SPATA3: variants seen among roughly 807,000 people sequenced by gnomAD.
The protein encoded by SPATA3 is spermatogenesis associated 3, also known as spermatogenesis-associated protein 3.
Under a neutral mutation model 5.7 loss-of-function variants are expected in SPATA3, and 6 were observed. That is an observed-to-expected ratio of 1.06 (90% CI 0.58 to 2.09). The LOEUF is 2.09. SPATA3 is among the 30% of genes most tolerant of loss of function. SPATA3 has a pLI of 0.00. For synonymous variants in SPATA3, 44 were observed against 48.4 expected (o/e 0.91, Z 0.37); for missense variants, 155 against 130.4 (o/e 1.19, Z -0.92).
intron 6 of SPATA3, among the ~76,000 whole-genome samples, chr2:231,015,034 C>A (rs553735754): frequency 6.6e-6 from 1 of 151,522 alleles, no homozygotes; most frequent in South Asian, 2.1e-4. Flanking sequence ...ACAGGGAGTC[C>A]CAACTGAGGA....
chr2:231,016,243 G>A (rs1217424369), intron 6 of SPATA3, among the ~76,000 whole-genome samples: 1 of 152,118 alleles, frequency 6.6e-6, no homozygotes, highest in Non-Finnish European at 1.5e-5. Context: ...GGGACCCTGG[G>A]CCTGCCTGTT....
chr2:231,008,907 C>T (rs560084800), downstream of SPATA3, among the ~76,000 whole-genome samples: 368 of 152,300 alleles, frequency 2.4e-3, no homozygotes, highest in African/African-American at 8.1e-3. Context: ...AGCAACAGCT[C>T]CCAGCCTACA....
At chr2:231,014,809 C>T (rs1467812863) in intron 6 of SPATA3, among the ~76,000 whole-genome samples, 1 of 152,184 alleles carries the variant, frequency 6.6e-6, no homozygotes, top group African/African-American at 2.4e-5. Context: ...ACAGTGACCT[C>T]TCAAGGTAGC....
In SPATA3 at chr2:230,996,236, G is replaced by A. The variant is rs1344961207; in HGVS notation, c.791-4130G>A. On this transcript the variant is annotated intron_variant, in intron 1 of 2. Coordinates refer to ENST00000645363, the Ensembl canonical transcript of SPATA3. Reference sequence around the variant, plus strand: ...CGTTTAGGTTGGGAGGATCTACCATGAAGAAGGTCAAGAAGAAAAGGTCAG... The same window carrying A: ...CGTTTAGGTTGGGAGGATCTACCATAAAGAAGGTCAAGAAGAAAAGGTCAG... 1.9e-6 allele frequency: 3 copies of A among 1,550,284 alleles called. No homozygotes were observed. The African/African-American group carries it at 4.1e-5, about 21-fold the overall frequency.
At chr2:230,996,473 C>T in intron 1 of SPATA3, 1 of 1,552,304 alleles carries the variant, frequency 6.4e-7, no homozygotes, top group Non-Finnish European at 8.7e-7. Flanking sequence ...TCCGCCGCTC[C>T]TCTTGCTGCC....
In SPATA3 at chr2:230,999,659, G is replaced by T. The variant is rs183489980; in HGVS notation, c.791-707G>T. ...CCACAGAGGGCATCATCTACATTCT[G>T]CTGGGATCCATACCAGAGGAGGACA... On this transcript the variant is annotated intron_variant, in intron 1 of 2. Coordinates refer to ENST00000645363, the Ensembl canonical transcript of SPATA3. The T allele has an allele frequency of 4.1e-4, 69 of 168,686 alleles. 1 individual carries two copies. In the East Asian group the frequency reaches 0.012, roughly 30 times the overall value. 10.4% of individuals were successfully genotyped at this position (168,686 alleles called of 1,614,324 possible).
exon 2 of SPATA3, chr2:231,000,471 T>A: frequency 6.5e-7 from 1 of 1,550,072 alleles, no homozygotes. Context: ...ATCTTCGATG[T>A]CCTTCTGCCT....
At chr2:231,003,216 C>A (rs1692421044), downstream of SPATA3, among the ~76,000 whole-genome samples, 1 of 152,240 alleles carries the variant, frequency 6.6e-6, no homozygotes, top group Non-Finnish European at 1.5e-5. Flanking sequence ...CTTTCTCCAT[C>A]TTCCCAACTT....
Position 231,002,677 on chromosome 2 carries a change from T to C in SPATA3, c.963-7T>C, listed in dbSNP as rs760889337. On this transcript the variant is annotated splice_region_variant and splice_polypyrimidine_tract_variant and intron_variant, in intron 2 of 2. Transcript: ENST00000645363. ...CCCACCACCCCCACTTCTGCTTTGC[T>C]CTACAGAAAATCTTCAAGAAAACCC... 1 of 1,497,214 alleles carries C rather than the reference T, an allele frequency of 6.7e-7. No individual in the cohort carries two copies. The highest frequency in any genetic ancestry group is 1.3e-5 in the South Asian group (1 of 75,286). The allele number at this position is 1,497,214 out of a possible 1,614,324, so 92.7% of individuals were successfully genotyped here. A position where few individuals can be genotyped will look rare whatever the true frequency, so the allele number is the denominator to read the frequency against.
chr2:231,005,379 TCAC>T (rs1692561277), downstream of SPATA3, among the ~76,000 whole-genome samples: 4 of 41,610 alleles, frequency 9.6e-5, no homozygotes, highest in East Asian at 9.1e-4. Context: ...ATCACCACCA[TCAC>T]CACCACCATC....
At chr2:231,019,193 T>A (rs1431993409) in intron 6 of SPATA3, among the ~76,000 whole-genome samples, 4 of 151,510 alleles carry the variant, frequency 2.6e-5, no homozygotes, top group East Asian at 1.9e-4. Flanking sequence ...ATGGTCTCGA[T>A]CTCCCGACCT....
chr2:231,018,076 C>T (rs1692976653), intron 6 of SPATA3, among the ~76,000 whole-genome samples: 1 of 152,068 alleles, frequency 6.6e-6, no homozygotes. Context: ...AGGAGCACAC[C>T]ACCCCGCCCA....
downstream of SPATA3, among the ~76,000 whole-genome samples, chr2:231,011,790 C>A (rs1016890032): frequency 3.3e-5 from 5 of 152,206 alleles, no homozygotes; most frequent in Non-Finnish European, 7.3e-5. Flanking sequence ...GTCAATCAGG[C>A]CTGCAGCCAC....
At chr2:230,998,879 C>A (rs1692238139) in intron 1 of SPATA3, among the ~76,000 whole-genome samples, 1 of 152,138 alleles carries the variant, frequency 6.6e-6, no homozygotes, top group Admixed American at 6.5e-5. Context: ...CAGTATACAT[C>A]CAAGAGAATT....
At chr2:231,009,137 A>G (rs568879980), downstream of SPATA3, among the ~76,000 whole-genome samples, 7 of 152,298 alleles carry the variant, frequency 4.6e-5, no homozygotes, top group South Asian at 1.5e-3. Context: ...ATGATTCTCC[A>G]ACTGCAGTGT....
chr2:231,014,880 A>G (rs13001615), intron 6 of SPATA3, among the ~76,000 whole-genome samples: 65,982 of 151,708 alleles, frequency 0.43, 15,420 homozygotes, highest in African/African-American at 0.59. Flanking sequence ...AGCCTTTTGT[A>G]GGTCGGGTGT....
In SPATA3 at chr2:231,019,036, G is replaced by A. The variant is rs563614701; in HGVS notation, c.*566-684G>A. ...GGCTGGAGCGCAGTGGCACGATCTC[G>A]GCTCACTGCAAGCTCCGCCTCCCAG... On this transcript the variant is annotated intron_variant, in intron 6 of 8. Transcript: ENST00000452881. Among the ~76,000 whole-genome samples the A allele has an allele frequency of 3.1e-3, 417 of 136,032 alleles. 7 individuals are homozygous for A. Among genetic ancestry groups the A allele is most frequent in the African/African-American group, 0.011 (404 of 35,616 alleles). The allele number at this position is 136,032 out of a possible 152,430, so 89.2% of individuals were successfully genotyped here.
chr2:231,005,286 TCATCAC>T (rs1692540792), downstream of SPATA3, among the ~76,000 whole-genome samples: 1 of 21,388 alleles, frequency 4.7e-5, no homozygotes, highest in Admixed American at 4.3e-4. Context: ...ATCACCATCA[TCATCAC>T]CATCACCACC....
chr2:231,016,068 C>T (rs1341810258), intron 6 of SPATA3, among the ~76,000 whole-genome samples: 2 of 152,230 alleles, frequency 1.3e-5, no homozygotes, highest in Non-Finnish European at 2.9e-5. Flanking sequence ...GCCCCATCCC[C>T]ACCTTGGCCT....
Sources: allele counts gnomAD v4.1 joint callset (sites outside exome capture counted in the v4.1 genomes callset), GRCh38; gene constraint gnomAD v4.1.1; transcripts MANE v1.5; gene names NCBI Gene and HGNC (gene_info 2026-07-23, HGNC 2026-07-21).